The following LIG4 variants were observed in gnomAD, a reference collection of about 807,000 sequenced individuals.
The protein encoded by LIG4 is DNA ligase 4, also known as DNA joinase.
A neutral mutation model predicts 19.0 loss-of-function variants in LIG4; 13 were observed. That is an observed-to-expected ratio of 0.68 (90% CI 0.44 to 1.09). LIG4 has a LOEUF of 1.09. Among genes scored for constraint, LIG4 ranks in the 50% least tolerant of loss-of-function variants. LIG4 has a pLI of 0.00. For synonymous variants in LIG4, 361 were observed against 358.2 expected (o/e 1.01, Z -0.09); for missense variants, 1,026 against 1,089.7 (o/e 0.94, Z 0.82).
Position 108,209,383 on chromosome 13 carries a change from T to C in LIG4, c.1886A>G (p.Lys629Arg), listed in dbSNP as rs1265713354. 1.2e-6 allele frequency: 2 copies of C among 1,614,144 alleles called. No homozygotes were observed. The highest frequency in any genetic ancestry group is 1.7e-6 in the Non-Finnish European group (2 of 1,180,028). The change falls in exon 3 of 3, where the codon AAA (lysine) becomes AGA (arginine). Residue 629 changes from lysine to arginine, a missense_variant. Around this residue, in one of 3 missense-constraint regions of LIG4, gnomAD observed 521 missense variants for 515.5 expected, o/e 1.01. Coordinates refer to ENST00000442234, the MANE Select transcript of LIG4 (RefSeq NM_206937.2). The stretch of plus-strand genomic sequence containing the variant: ...AACTTTCTTCATCTTTGGGGCAGCT[T>C]TCCGCTTTTTTTCTTGTGGTTCATC... ...GDDEPQEKKR[K>R]AAPKMKKVIG...
Position 108,210,353 on chromosome 13 carries a change from G to C in LIG4, c.916C>G (p.Pro306Ala). The C allele has an allele frequency of 6.2e-7, 1 of 1,613,890 alleles. No homozygotes were observed. Among genetic ancestry groups the C allele is most frequent in the Non-Finnish European group, 8.5e-7 (1 of 1,179,898 alleles). The change falls in exon 3 of 3, where the codon CCT becomes GCT. Residue 306 changes from proline (P) to alanine (A), a missense_variant. By Grantham distance (27) the Pro-to-Ala change is conservative. This residue lies in a region of LIG4 where 493 missense variants were observed against 544.5 expected (regional missense o/e 0.91). Coordinates refer to ENST00000442234, the MANE Select transcript of LIG4 (RefSeq NM_206937.2). ...AATGGGGTAAGAGAACCTTCAGTAG[G>C]AGAAGCACCAAACTGATCAGTGTAG... ...YNYTDQFGAS[P>A]TEGSLTPFIH...
chr13:108,208,751 T>C lies in LIG4; in HGVS notation c.2518A>G (p.Ile840Val), dbSNP rs200369995. The C allele has an allele frequency of 1.1e-4, 181 of 1,614,190 alleles. 1 individual carries two copies. The East Asian group carries it at 3.9e-3, about 35-fold the overall frequency. Reference protein sequence around the residue: ...STKNEGTRLAIKALELRFHGA... With the variant: ...STKNEGTRLAVKALELRFHGA... ...TGAAACCGAAGCTCCAAGGCTTTAATAGCTAACCTTGTCCCCTCATTTTTG... is the reference window on the plus strand; with the variant it reads ...TGAAACCGAAGCTCCAAGGCTTTAACAGCTAACCTTGTCCCCTCATTTTTG... Residue 840 changes from isoleucine (I) to valine (V), a missense_variant, in exon 3 of 3, where the codon ATT becomes GTT. Physicochemically the swap from Ile to Val is conservative, Grantham distance 29. Transcript: ENST00000442234.
chr13:108,216,135 A>C (rs1879278056), upstream of LIG4, among the ~76,000 whole-genome samples: 1 of 152,208 alleles, frequency 6.6e-6, no homozygotes, highest in Non-Finnish European at 1.5e-5. Flanking sequence ...AAGGTTTAAA[A>C]ATAAAGTTAT....
Position 108,210,372 on chromosome 13 carries a change from A to T in LIG4, c.897T>A (p.Thr299=). The change falls in exon 3 of 3, where the codon ACT becomes ACA. Residue 299 remains threonine (T), a synonymous_variant. Transcript: ENST00000442234. ...KYFSRNGYNY[T]DQFGASPTEG... is the part of the protein sequence containing the mutation. The stretch of plus-strand genomic sequence containing the variant: ...CAGTAGGAGAAGCACCAAACTGATC[A>T]GTGTAGTTATATCCATTTCGAGAGA... 1 of 1,613,938 alleles carries T rather than the reference A, an allele frequency of 6.2e-7. No individual in the cohort carries two copies. The highest frequency in any genetic ancestry group is 8.5e-7 in the Non-Finnish European group (1 of 1,179,958).
At chr13:108,212,279 C>T (rs1023217763) in intron 2 of LIG4, among the ~76,000 whole-genome samples, 6 of 150,794 alleles carry the variant, frequency 4.0e-5, no homozygotes, top group East Asian at 1.9e-4. Flanking sequence ...ATAAAACAAA[C>T]GTAAAATGTC....
chr13:108,209,397 T>C lies in LIG4; in HGVS notation c.1872A>G (p.Gln624=). The change falls in exon 3 of 3, where the codon CAA becomes CAG. Residue 624 remains glutamine (Q), a synonymous_variant. Transcript: ENST00000442234. The part of the protein sequence containing the change: ...HLYIGGDDEP[Q]EKKRKAAPKM... ...TTGGGGCAGCTTTCCGCTTTTTTTC[T>C]TGTGGTTCATCATCACCACCTATAT... 6.2e-7 allele frequency: 1 copy of C among 1,614,212 alleles called. No homozygotes were observed.
In LIG4 at chr13:108,209,608, G is replaced by A. The variant is rs1878376307; in HGVS notation, c.1661C>T (p.Ser554Phe). The A allele has an allele frequency of 6.2e-7, 1 of 1,614,106 alleles. No homozygotes were observed. Among genetic ancestry groups the A allele is most frequent in the Non-Finnish European group, 8.5e-7 (1 of 1,180,010 alleles). Residue 554 changes from serine (S) to phenylalanine (F), a missense_variant, in exon 3 of 3, where the codon TCT becomes TTT. Physicochemically the swap from Ser to Phe is radical, Grantham distance 155 (BLOSUM62 -2). Coordinates refer to ENST00000442234, the MANE Select transcript of LIG4 (RefSeq NM_206937.2). ...TGCTGCTTTAATCTGAACAATGACA[G>A]AATTACAAGGTTCAATGTATACTTC... is the stretch of plus-strand genomic sequence containing the variant. ...KPEVYIEPCN[S>F]VIVQIKAAEI...
Position 108,210,087 on chromosome 13 carries a change from T to C in LIG4, c.1182A>G (p.Thr394=). 6.2e-7 allele frequency: 1 copy of C among 1,613,208 alleles called. No individual in the cohort carries two copies. The highest frequency in any genetic ancestry group is 2.2e-5 in the East Asian group (1 of 44,866). ...CTATTTCTATTCTACCTGGAATTGG[T>C]GTAAAAATACTACTAAGAATCTCAT... is the stretch of plus-strand genomic sequence containing the variant. The part of the protein sequence containing the change: ...KRYEILSSIF[T]PIPGRIEIVQ... Residue 394 remains threonine, a synonymous_variant, in exon 3 of 3, where the codon ACA becomes ACG. Coordinates refer to ENST00000442234, the MANE Select transcript of LIG4 (RefSeq NM_206937.2).
Position 108,209,357 on chromosome 13 carries a change from T to C in LIG4, c.1912A>G (p.Ile638Val). 6.2e-7 allele frequency: 1 copy of C among 1,614,146 alleles called. No individual in the cohort carries two copies. Among genetic ancestry groups the C allele is most frequent in the Admixed American group, 1.7e-5 (1 of 60,026 alleles). Residue 638 changes from isoleucine (I) to valine (V), a missense_variant, in exon 3 of 3, where the codon ATT (isoleucine) becomes GTT (valine). By Grantham distance (29) the Ile-to-Val change is conservative. This residue lies in a region of LIG4 where 521 missense variants were observed against 515.5 expected (regional missense o/e 1.01). Transcript: ENST00000442234. ...RKAAPKMKKV[I>V]GIIEHLKAPN... ...GCTTTTAAGTGCTCAATAATTCCAA[T>C]AACTTTCTTCATCTTTGGGGCAGCT...
At chr13:108,215,207 A>C (rs1224347291) in intron 1 of LIG4, among the ~76,000 whole-genome samples, 5 of 2,536 alleles carry the variant, frequency 2.0e-3, no homozygotes, top group African/African-American at 4.3e-3. Flanking sequence ...CGCCCCGAAC[A>C]CCCCCCACCT....
rs187323251 is a variant in LIG4, at chr13:108,209,438, C to A, written c.1831G>T (p.Ala611Ser). The A allele has an allele frequency of 5.6e-6, 9 of 1,614,096 alleles. No individual in the cohort carries two copies. Among genetic ancestry groups the A allele is most frequent in the African/African-American group, 1.3e-5 (1 of 75,002 alleles). Reference protein sequence around the residue: ...QLRGKASGKLASKHLYIGGDD... With the variant: ...QLRGKASGKLSSKHLYIGGDD... ...CCACCTATATAAAGGTGTTTAGATG[C>A]GAGCTTACCAGATGCCTTCCCCCTA... Residue 611 changes from alanine (A) to serine (S), a missense_variant, in exon 3 of 3, where the codon GCA (alanine) becomes TCA (serine). Physicochemically the swap from Ala to Ser is moderately conservative, Grantham distance 99. This residue lies in a region of LIG4 where 521 missense variants were observed against 515.5 expected (regional missense o/e 1.01). Coordinates refer to ENST00000442234, the MANE Select transcript of LIG4 (RefSeq NM_206937.2).
In LIG4 at chr13:108,208,942, TC is replaced by T. The variant is rs757994549; in HGVS notation, c.2326del (p.Glu776LysfsTer20). 3.1e-6 allele frequency: 5 copies of T among 1,614,172 alleles called. No individual in the cohort carries two copies. The highest frequency in any genetic ancestry group is 3.3e-5 in the Admixed American group (2 of 60,032). On this transcript the variant is annotated frameshift_variant, in exon 3 of 3. Transcript: ENST00000442234. LOFTEE classifies it low-confidence loss of function (END_TRUNC). ...FIDTDLNQLK[E>X]VFSGIKNSNE... ...AGAATTTTTAATTCCTGAGAATACT[TC>T]CTTCAGTTGGTTCAAGTCTGTATCA...
At position 108,209,961 on chromosome 13, in the gene LIG4, G is replaced by A; in HGVS notation, c.1308C>T (p.Ser436=). Residue 436 remains serine (S), a synonymous_variant, in exon 3 of 3, where the codon TCC becomes TCT. Transcript: ENST00000442234. ...EEGIMVKQPL[S]IYKPDKRGEG... ...CACCTCTTTTGTCTGGCTTGTAGAT[G>A]GATAGAGGTTGTTTTACCATAATTC... The A allele has an allele frequency of 6.2e-7, 1 of 1,613,434 alleles. No individual in the cohort carries two copies. The highest frequency in any genetic ancestry group is 8.5e-7 in the Non-Finnish European group (1 of 1,179,892).
In LIG4 at chr13:108,209,548, C is replaced by A; in HGVS notation, c.1721G>T (p.Cys574Phe). ...IVPSDMYKTG[C>F]TLRFPRIEKI... ...TTCAATTCGTGGAAAACGCAAGGTG[C>A]AGCCAGTTTTATACATATCACTGGG... Residue 574 changes from cysteine to phenylalanine, a missense_variant, in exon 3 of 3, where the codon TGC becomes TTC. This residue lies in a region of LIG4 where 521 missense variants were observed against 515.5 expected (regional missense o/e 1.01). Transcript: ENST00000442234. The A allele has an allele frequency of 6.2e-7, 1 of 1,614,130 alleles. No homozygotes were observed. Among genetic ancestry groups the A allele is most frequent in the African/African-American group, 1.3e-5 (1 of 75,032 alleles).
rs1878104590 is a variant in LIG4 at position 108,208,053 on chromosome 13, C to A, written c.*480G>T. ...TCATATTTAAATGGGACATTTTAAA[C>A]CCTGAGTAAAAAGACATATTTTTAC... On this transcript the variant is annotated 3_prime_UTR_variant, in exon 3 of 3. Transcript: ENST00000442234. 1 of 152,890 alleles carries A rather than the reference C, an allele frequency of 6.5e-6. No homozygotes were observed. Among genetic ancestry groups the A allele is most frequent in the Non-Finnish European group, 1.5e-5 (1 of 68,618 alleles). The allele number at this position is 152,890 out of a possible 1,614,324, so 9.5% of individuals were successfully genotyped here.
chr13:108,209,076 C>G lies in LIG4; in HGVS notation c.2193G>C (p.Lys731Asn), dbSNP rs1878269517. The stretch of plus-strand genomic sequence containing the variant: ...GCTGCCATGGTACAAAGCTTTTGGT[C>G]TTAAAACATTCTAAAAGCCATGCAG... ...VKPAWLLECF[K>N]TKSFVPWQPR... Residue 731 changes from lysine to asparagine, a missense_variant, in exon 3 of 3, where the codon AAG becomes AAC. Around this residue, in one of 3 missense-constraint regions of LIG4, gnomAD observed 521 missense variants for 515.5 expected, o/e 1.01. Transcript: ENST00000442234. 2 of 1,614,128 alleles carry G rather than the reference C, an allele frequency of 1.2e-6. No homozygotes were observed. Among genetic ancestry groups the G allele is most frequent in the Non-Finnish European group, 1.7e-6 (2 of 1,180,012 alleles).
At chr13:108,212,075 C>A (rs752179393) in intron 2 of LIG4, among the ~76,000 whole-genome samples, 1 of 151,502 alleles carries the variant, frequency 6.6e-6, no homozygotes, top group Non-Finnish European at 1.5e-5. Context: ...TATTTCCATG[C>A]CAGTTATTCC....
At position 108,207,480 on chromosome 13, in the gene LIG4, G is replaced by A. The variant is rs1475888675; in HGVS notation, c.*1053C>T. ...TTAAATATTTTATTTAAATTAAGAA[G>A]TATAACAAAATCACATACATTTGTT... On this transcript the variant is annotated 3_prime_UTR_variant, in exon 3 of 3. Transcript: ENST00000442234. 6.6e-6 allele frequency: 1 copy of A among 151,922 alleles called. No homozygotes were observed. The highest frequency in any genetic ancestry group is 1.5e-5 in the Non-Finnish European group (1 of 67,992). 9.4% of individuals were successfully genotyped at this position (151,922 alleles called of 1,614,324 possible).
intron 2 of LIG4, among the ~76,000 whole-genome samples, chr13:108,213,214 T>C (rs1284280399): frequency 2.0e-5 from 3 of 152,188 alleles, no homozygotes; most frequent in African/African-American, 4.8e-5. Flanking sequence ...TGGTTATGTA[T>C]GTTCACTGCC....
Sources: allele counts gnomAD v4.1 joint callset (sites outside exome capture counted in the v4.1 genomes callset), GRCh38; gene constraint gnomAD v4.1.1; regional missense constraint gnomAD v4.1.1; transcripts MANE v1.5; gene names NCBI Gene and HGNC (gene_info 2026-07-23, HGNC 2026-07-21).